TRPV4: variants seen among roughly 807,000 people sequenced by gnomAD.
TRPV4 encodes transient receptor potential cation channel subfamily V member 4.
A neutral mutation model predicts 84.1 loss-of-function variants in TRPV4; 58 were observed. The ratio of observed to expected loss-of-function variants is 0.69; its 90% confidence interval spans 0.56 to 0.86. The LOEUF is 0.86. Among genes scored for constraint, TRPV4 ranks in the 40% least tolerant of loss-of-function variants. The probability of loss-of-function intolerance (pLI) is 0.00; values close to 1 mark genes in which losing one functional copy is unlikely to be tolerated. For synonymous variants in TRPV4, 489 were observed against 500.9 expected (o/e 0.98, Z 0.32); for missense variants, 879 against 1,181.1 (o/e 0.74, Z 3.75).
At chr12:109,808,591 G>T in intron 2 of TRPV4, 123 bp from the exon 3 acceptor site, 1 of 882,024 alleles carries the variant, frequency 1.1e-6, no homozygotes, top group South Asian at 1.7e-5. Context: ...CAAGGAACAG[G>T]GTGAGGTAGT....
chr12:109,830,311 C>T (rs1003159474), intron 1 of TRPV4, among the ~76,000 whole-genome samples: 1 of 152,232 alleles, frequency 6.6e-6, no homozygotes, highest in African/African-American at 2.4e-5. Flanking sequence ...CCCTCTAGAC[C>T]TCATTCTGCC....
In TRPV4 at chr12:109,796,347, C is replaced by T. The variant is rs150305077; in HGVS notation, c.1332+178G>A. 3.9e-5 allele frequency among the ~76,000 whole-genome samples: 6 copies of T among 152,210 alleles called. No individual in the cohort carries two copies. The highest frequency in any genetic ancestry group is 1.2e-4 in the African/African-American group (5 of 41,448). On this transcript the variant is annotated intron_variant, in intron 7 of 15. Coordinates refer to ENST00000261740, the MANE Select transcript of TRPV4 (RefSeq NM_021625.5). This position sits in a 1 kb window ranked among gnomAD's most constrained non-coding sequence, Gnocchi z 4.2. ...CCCACAAGTCTTGCTCATTTCCTCA[C>T]ATGGCAGACACTGTTCTGGGCACTT...
Position 109,814,854 on chromosome 12 carries a change from G to A in TRPV4, c.-31-27C>T. ...TGCAAGGGAATGAAAGGGGAGTCAG[G>A]CAGAACCCGGCCAGGGGCGGGGGCT... is the stretch of plus-strand genomic sequence containing the variant. On this transcript the variant is annotated intron_variant, in intron 1 of 15. Transcript: ENST00000261740. This position sits in a 1 kb window ranked among gnomAD's most constrained non-coding sequence, Gnocchi z 5.4. 1 of 1,531,828 alleles carries A rather than the reference G, an allele frequency of 6.5e-7. No individual in the cohort carries two copies. 94.9% of individuals were successfully genotyped at this position (1,531,828 alleles called of 1,614,324 possible).
At chr12:109,825,068 G>A (rs1476549567) in intron 1 of TRPV4, among the ~76,000 whole-genome samples, 1 of 152,080 alleles carries the variant, frequency 6.6e-6, no homozygotes, top group African/African-American at 2.4e-5. Flanking sequence ...AAGGCTGGGT[G>A]CAGTGGCTCA....
At chr12:109,810,019 G>T (rs1417853036) in intron 2 of TRPV4, among the ~76,000 whole-genome samples, 1 of 152,224 alleles carries the variant, frequency 6.6e-6, no homozygotes, top group African/African-American at 2.4e-5. Context: ...GGCTACAGAG[G>T]CAGATGGCGG....
At chr12:109,807,824 A>T (rs890543432) in intron 3 of TRPV4, among the ~76,000 whole-genome samples, 3 of 152,082 alleles carry the variant, frequency 2.0e-5, no homozygotes, top group Admixed American at 6.5e-5. Flanking sequence ...AATCAGGACT[A>T]CCAGCCCAGA....
intron 2 of TRPV4, among the ~76,000 whole-genome samples, chr12:109,808,830 C>T (rs1213935016): frequency 6.6e-6 from 1 of 151,624 alleles, no homozygotes; most frequent in Admixed American, 6.6e-5. Flanking sequence ...ACCCATCCAT[C>T]CATCACTCAT....
chr12:109,793,501 C>T lies in TRPV4; in HGVS notation c.1658+26G>A, dbSNP rs763977240. 2 of 1,605,156 alleles carry T rather than the reference C, an allele frequency of 1.2e-6. No individual in the cohort carries two copies. Among genetic ancestry groups the T allele is most frequent in the Non-Finnish European group, 1.7e-6 (2 of 1,172,020 alleles). On this transcript the variant is annotated intron_variant, in intron 10 of 15. Coordinates refer to ENST00000261740, the MANE Select transcript of TRPV4 (RefSeq NM_021625.5). The surrounding 1 kb of genome is among the most constrained non-coding windows in gnomAD (Gnocchi z 4.0). ...CAAACCCACCTTCCTCACCCAGAAGCTGCCGGCCCAGGGACCTCTACTCAC... is the reference window on the plus strand; with the variant it reads ...CAAACCCACCTTCCTCACCCAGAAGTTGCCGGCCCAGGGACCTCTACTCAC...
chr12:109,800,559 T>C (rs1214455636), intron 5 of TRPV4, 59 bp downstream of exon 5: 3 of 1,607,406 alleles, frequency 1.9e-6, no homozygotes, highest in Non-Finnish European at 2.6e-6. Flanking sequence ...ACCAGTATCA[T>C]GCTATCTCCC....
chr12:109,795,895 G>C (rs934379411), intron 7 of TRPV4, among the ~76,000 whole-genome samples: 1 of 151,420 alleles, frequency 6.6e-6, no homozygotes, highest in South Asian at 2.1e-4. Context: ...CTACAGGCTC[G>C]CACCACCATG....
At chr12:109,818,595 T>A (rs1891964320) in intron 1 of TRPV4, among the ~76,000 whole-genome samples, 1 of 152,134 alleles carries the variant, frequency 6.6e-6, no homozygotes, top group South Asian at 2.1e-4. Context: ...TTCTCATCTC[T>A]CTGAGCCTCG....
At chr12:109,791,132 C>G (rs1225801564) in intron 12 of TRPV4, among the ~76,000 whole-genome samples, 4 of 152,284 alleles carry the variant, frequency 2.6e-5, no homozygotes, top group Non-Finnish European at 1.5e-5. Flanking sequence ...CCTGTAATCC[C>G]AGCACTTTGG....
At chr12:109,832,072 G>A (rs1225661391) in intron 1 of TRPV4, among the ~76,000 whole-genome samples, 3 of 152,192 alleles carry the variant, frequency 2.0e-5, no homozygotes, top group African/African-American at 4.8e-5. Flanking sequence ...GAAGGTCATC[G>A]GTCCTCACGA....
At chr12:109,784,493 C>T in intron 14 of TRPV4, 56 bp from the exon 15 acceptor site, 1 of 1,613,484 alleles carries the variant, frequency 6.2e-7, no homozygotes, top group South Asian at 1.1e-5. Flanking sequence ...CTCTCCATGC[C>T]ACCATCCCCA....
intron 1 of TRPV4, among the ~76,000 whole-genome samples, chr12:109,829,491 T>C (rs1400133512): frequency 6.6e-6 from 1 of 152,248 alleles, no homozygotes; most frequent in Non-Finnish European, 1.5e-5. Flanking sequence ...TTTGCCCAAA[T>C]GCAAGTCTAG....
chr12:109,827,615 A>T (rs927949009), intron 1 of TRPV4, among the ~76,000 whole-genome samples: 1 of 151,990 alleles, frequency 6.6e-6, no homozygotes, highest in African/African-American at 2.4e-5. Flanking sequence ...ATACACATAC[A>T]TACACACAAT....
chr12:109,790,242 C>A (rs921091916), intron 12 of TRPV4, among the ~76,000 whole-genome samples: 3 of 152,240 alleles, frequency 2.0e-5, no homozygotes, highest in Non-Finnish European at 4.4e-5. Flanking sequence ...CTGTGCCAGG[C>A]TCGTCCCCAG....
At chr12:109,810,675 C>T (rs1349120809) in intron 2 of TRPV4, among the ~76,000 whole-genome samples, 2 of 152,188 alleles carry the variant, frequency 1.3e-5, no homozygotes, top group Admixed American at 1.3e-4. Flanking sequence ...AATGAGGGCA[C>T]TTAGGCAGCC....
At position 109,816,548 on chromosome 12, in the gene TRPV4, C is replaced by T. The variant is rs143255233; in HGVS notation, c.-31-1721G>A. On this transcript the variant is annotated intron_variant, in intron 1 of 15. Transcript: ENST00000261740. ...ACCCCAGCACTTTGGGAGGCCGAGGCGGGTGGATCACTTGAAGTCAGGAGT... is the reference window on the plus strand; with the variant it reads ...ACCCCAGCACTTTGGGAGGCCGAGGTGGGTGGATCACTTGAAGTCAGGAGT... Among the ~76,000 whole-genome samples the T allele has an allele frequency of 7.0e-3, 1,061 of 152,208 alleles. 19 individuals carry two copies. Among genetic ancestry groups the T allele is most frequent in the African/African-American group, 0.025 (1,023 of 41,506 alleles).
Sources: allele counts gnomAD v4.1 joint callset (sites outside exome capture counted in the v4.1 genomes callset), GRCh38; gene constraint gnomAD v4.1.1; non-coding constraint Gnocchi (gnomAD v3.1); transcripts MANE v1.5; gene names NCBI Gene and HGNC (gene_info 2026-07-23, HGNC 2026-07-21).